RGS7: variants seen among roughly 807,000 people sequenced by gnomAD.
The protein encoded by RGS7 is regulator of G-protein signaling 7.
A neutral mutation model predicts 81.1 loss-of-function variants in RGS7; 27 were observed. That is an observed-to-expected ratio of 0.33 (90% CI 0.25 to 0.46). RGS7 has a LOEUF of 0.46. RGS7 is among the 20% of genes least tolerant of loss of function. The pLI is 1.00. For missense variants in RGS7, 396 were observed against 607.4 expected (o/e 0.65, Z 3.66); for synonymous variants, 208 against 207.7 (o/e 1.00, Z -0.01).
intron 3 of RGS7, among the ~76,000 whole-genome samples, chr1:241,056,927 T>A (rs2061502472): frequency 6.6e-6 from 1 of 152,238 alleles, no homozygotes; most frequent in Non-Finnish European, 1.5e-5. Context: ...TTTCTTACTG[T>A]CCTGGGTACT....
chr1:241,184,317 T>C (rs1369546863), intron 2 of RGS7, among the ~76,000 whole-genome samples: 2 of 152,194 alleles, frequency 1.3e-5, no homozygotes, highest in African/African-American at 4.8e-5. Flanking sequence ...AGAAAAATTA[T>C]ATTCATGTAT....
intron 6 of RGS7, among the ~76,000 whole-genome samples, chr1:240,888,932 C>G (rs1667818474): frequency 6.6e-6 from 1 of 151,944 alleles, no homozygotes; most frequent in Admixed American, 6.6e-5. Flanking sequence ...GGTCAAAGGC[C>G]TCAATGAAGA....
intron 2 of RGS7, among the ~76,000 whole-genome samples, chr1:241,348,652 T>G (rs1198182728): frequency 6.6e-6 from 1 of 152,222 alleles, no homozygotes; most frequent in Non-Finnish European, 1.5e-5. Flanking sequence ...GAGTTTCCTT[T>G]CACCTCTGAA....
chr1:241,041,070 C>T (rs545925250), intron 3 of RGS7, among the ~76,000 whole-genome samples: 3 of 152,126 alleles, frequency 2.0e-5, no homozygotes, highest in Non-Finnish European at 2.9e-5. Flanking sequence ...AATACTGAGA[C>T]TCTCAGAAAA....
chr1:241,147,812 A>ATATATATATATATATATATC (rs2068450556), intron 2 of RGS7, among the ~76,000 whole-genome samples: 1 of 132,580 alleles, frequency 7.5e-6, no homozygotes, highest in Non-Finnish European at 1.6e-5. Context: ...ATATATATAT[A>ATATATATATATATATATATC]TATATATGTA....
intron 2 of RGS7, among the ~76,000 whole-genome samples, chr1:241,186,056 A>G (rs1422976771): frequency 2.0e-5 from 3 of 152,212 alleles, no homozygotes; most frequent in African/African-American, 2.4e-5. Flanking sequence ...ACAAATGAAT[A>G]AAACTGACAA....
chr1:240,997,661 C>T (rs192731839), intron 3 of RGS7, among the ~76,000 whole-genome samples: 339 of 152,226 alleles, frequency 2.2e-3, no homozygotes, highest in Non-Finnish European at 4.3e-3. Context: ...CCCATCTCTA[C>T]TAAAAATACA....
intron 2 of RGS7, among the ~76,000 whole-genome samples, chr1:241,242,268 G>A (rs1408091458): frequency 6.6e-6 from 1 of 151,846 alleles, no homozygotes; most frequent in African/African-American, 2.4e-5. Context: ...GGTTGCTGCT[G>A]CTGCAAATGC....
Position 241,320,759 on chromosome 1 carries a change from T to C in RGS7, c.78+34940A>G, listed in dbSNP as rs185425042. On this transcript the variant is annotated intron_variant, in intron 2 of 18. Transcript: ENST00000440928. ...CAGGAATAGTCAGGCAAATCCACAG[T>C]TGCAGTAGTGTTATTAAGTGCAGTG... is the stretch of plus-strand genomic sequence containing the variant. 5.0e-3 allele frequency among the ~76,000 whole-genome samples: 765 copies of C among 152,362 alleles called. 4 individuals are homozygous for C. The highest frequency in any genetic ancestry group is 7.8e-3 in the Non-Finnish European group (528 of 68,028).
intron 4 of RGS7, among the ~76,000 whole-genome samples, chr1:240,944,324 A>G (rs1385622455): frequency 1.9e-5 from 2 of 106,098 alleles, no homozygotes; most frequent in African/African-American, 3.2e-5. Flanking sequence ...ATATATATAT[A>G]TATATATATG....
At chr1:241,216,373 T>C (rs1234219261) in intron 2 of RGS7, among the ~76,000 whole-genome samples, 1 of 152,186 alleles carries the variant, frequency 6.6e-6, no homozygotes. Flanking sequence ...AAAATATACC[T>C]GATTTGGTAC....
At chr1:240,866,656 G>A (rs1663346908) in intron 9 of RGS7, among the ~76,000 whole-genome samples, 1 of 152,146 alleles carries the variant, frequency 6.6e-6, no homozygotes, top group Admixed American at 6.5e-5. Flanking sequence ...ACTCATATGT[G>A]CTCCTTGCTG....
chr1:241,340,840 G>C (rs2082499880), intron 2 of RGS7, among the ~76,000 whole-genome samples: 3 of 152,122 alleles, frequency 2.0e-5, no homozygotes, highest in Non-Finnish European at 4.4e-5. Context: ...AAGTAAAGGA[G>C]AGAGAGATGA....
intron 2 of RGS7, among the ~76,000 whole-genome samples, chr1:241,194,763 AAAT>A: frequency 6.6e-6 from 1 of 152,320 alleles, no homozygotes; most frequent in Middle Eastern, 3.4e-3. Flanking sequence ...GCTTCAGGGC[AAAT>A]AATCTGACAG....
At chr1:241,096,268 G>A (rs2102871458) in intron 3 of RGS7, among the ~76,000 whole-genome samples, 1 of 152,138 alleles carries the variant, frequency 6.6e-6, no homozygotes, top group Middle Eastern at 3.4e-3. Flanking sequence ...AAGAATAGAG[G>A]AATTAACAAT....
intron 10 of RGS7, among the ~76,000 whole-genome samples, chr1:240,818,765 G>A (rs929688858): frequency 1.7e-4 from 26 of 152,170 alleles, no homozygotes; most frequent in African/African-American, 6.0e-4. Context: ...TAGAGTGACA[G>A]TTACCAGAGG....
chr1:241,243,734 A>T (rs571696452), intron 2 of RGS7, among the ~76,000 whole-genome samples: 1 of 152,324 alleles, frequency 6.6e-6, no homozygotes, highest in South Asian at 2.1e-4. Flanking sequence ...TACCTACTAA[A>T]CACACAAATA....
chr1:240,970,332 T>C (rs1371656719), intron 4 of RGS7, among the ~76,000 whole-genome samples: 3 of 152,238 alleles, frequency 2.0e-5, no homozygotes, highest in Non-Finnish European at 2.9e-5. Context: ...ATGGCCTTCA[T>C]GAAGACCTTT....
chr1:241,174,895 GTTTTTTTTTT>G (rs551122102), intron 2 of RGS7, among the ~76,000 whole-genome samples: 1 of 69,230 alleles, frequency 1.4e-5, no homozygotes, highest in African/African-American at 6.0e-5. Flanking sequence ...ACAGAATTTT[GTTTTTTTTTT>G]TTTTTTTTTT....
Sources: gnomAD v4.1 joint callset for allele counts (sites outside exome capture counted in the v4.1 genomes callset) on GRCh38, gnomAD v4.1.1 for gene constraint, MANE v1.5 for transcripts, NCBI Gene and HGNC (gene_info 2026-07-23, HGNC 2026-07-21) for gene names.